DAAM2: variants seen among roughly 807,000 people sequenced by gnomAD.
The protein encoded by DAAM2 is disheveled-associated activator of morphogenesis 2.
Under a neutral mutation model 120.7 loss-of-function variants are expected in DAAM2, and 39 were observed. That is an observed-to-expected ratio of 0.32 (90% CI 0.25 to 0.42). The LOEUF is 0.42. Ranked by LOEUF, DAAM2 falls within the 10% of genes least tolerant of loss-of-function variation. DAAM2 has a pLI of 1.00. For missense variants in DAAM2, 1,283 were observed against 1,401.7 expected (o/e 0.92, Z 1.35); for synonymous variants, 488 against 524.9 (o/e 0.93, Z 0.96).
At chr6:39,876,404 T>A (rs535111003) in intron 11 of DAAM2, among the ~76,000 whole-genome samples, 3 of 152,230 alleles carry the variant, frequency 2.0e-5, no homozygotes, top group Non-Finnish European at 4.4e-5. Flanking sequence ...AAAATCCTAA[T>A]TGGTATGTTG....
At chr6:39,810,218 G>A (rs1168557979) in intron 1 of DAAM2, among the ~76,000 whole-genome samples, 1 of 152,178 alleles carries the variant, frequency 6.6e-6, no homozygotes, top group East Asian at 1.9e-4. Context: ...GCATGTTGCT[G>A]CTGCAAACAA....
chr6:39,828,570 C>CTTTTTTTT lies in DAAM2; in HGVS notation c.-56-27673_-56-27666dup, dbSNP rs1430820441. Reference sequence around the variant, plus strand: ...GCTAATTCCCTCCACCCCCCTCCGTCTTTTTTTTTTTGAGACGGATTCTTG... The same window carrying CTTTTTTTT: ...GCTAATTCCCTCCACCCCCCTCCGTCTTTTTTTTTTTTTTTTTTTGAGACGGATTCTTG... On this transcript the variant is annotated intron_variant, in intron 1 of 24. Coordinates refer to ENST00000274867, the MANE Select transcript of DAAM2 (RefSeq NM_001201427.2). 4.3e-4 allele frequency among the ~76,000 whole-genome samples: 61 copies of CTTTTTTTT among 142,584 alleles called. 3 individuals are homozygous for CTTTTTTTT. The highest frequency in any genetic ancestry group is 9.1e-4 in the South Asian group (4 of 4,414). The allele number at this position is 142,584 out of a possible 152,430, so 93.5% of individuals were successfully genotyped here.
rs1764661307 is a variant in DAAM2 at position 39,871,513 on chromosome 6, G to A, written c.985G>A (p.Asp329Asn). The A allele has an allele frequency of 6.4e-7, 1 of 1,551,570 alleles. No homozygotes were observed. Among genetic ancestry groups the A allele is most frequent in the Non-Finnish European group, 8.7e-7 (1 of 1,147,002 alleles). ...HENAILDKHLDFFEMVRNEDD... is the reference protein window; with the variant it reads ...HENAILDKHLNFFEMVRNEDD... The stretch of plus-strand genomic sequence containing the variant: ...TCTCCCCATTCTGTCTAGACATTTA[G>A]ACTTCTTCGAGATGGTGCGGAATGA... Residue 329 changes from aspartate (D) to asparagine (N), a missense_variant, in exon 9 of 25, where the codon GAC (aspartate) becomes AAC (asparagine). Physicochemically the swap from Asp to Asn is conservative, Grantham distance 23 (BLOSUM62 1). Transcript: ENST00000274867.
chr6:39,816,058 A>G (rs1364221343), intron 1 of DAAM2, among the ~76,000 whole-genome samples: 1 of 152,150 alleles, frequency 6.6e-6, no homozygotes, highest in Non-Finnish European at 1.5e-5. Context: ...TATTTTTCCT[A>G]CTGACATGAA....
Position 39,902,440 on chromosome 6 carries a change from G to C in DAAM2, c.*403G>C. ...CTGTGTAGCACGGGGAGCAATGATG[G>C]AGGGAGCCCCTGAGAGGGAATCTGG... is the stretch of plus-strand genomic sequence containing the variant. On this transcript the variant is annotated 3_prime_UTR_variant, in exon 25 of 25. Coordinates refer to ENST00000274867, the MANE Select transcript of DAAM2 (RefSeq NM_001201427.2). 6.2e-6 allele frequency: 1 copy of C among 162,490 alleles called. No homozygotes were observed. Among genetic ancestry groups the C allele is most frequent in the East Asian group, 1.8e-4 (1 of 5,632 alleles). 10.1% of individuals were successfully genotyped at this position (162,490 alleles called of 1,614,324 possible).
chr6:39,888,002 A>G lies in DAAM2; in HGVS notation c.2060+410A>G, dbSNP rs73732309. 2.7e-3 allele frequency: 467 copies of G among 174,168 alleles called. 5 individuals carry two copies. Among genetic ancestry groups the G allele is most frequent in the African/African-American group, 0.011 (441 of 41,998 alleles). 10.8% of individuals were successfully genotyped at this position (174,168 alleles called of 1,614,324 possible). A position where few individuals can be genotyped will look rare whatever the true frequency, so the allele number is the denominator to read the frequency against. On this transcript the variant is annotated intron_variant, in intron 16 of 24. Coordinates refer to ENST00000274867, the MANE Select transcript of DAAM2 (RefSeq NM_001201427.2). The stretch of plus-strand genomic sequence containing the variant: ...GTCAGAGGGCACCACCTCCCATACT[A>G]TTCTTAGTGCTGCCCCAGCCGCCTC...
At chr6:39,818,147 C>T (rs1436431852) in intron 1 of DAAM2, among the ~76,000 whole-genome samples, 1 of 147,658 alleles carries the variant, frequency 6.8e-6, no homozygotes, top group East Asian at 2.0e-4. Flanking sequence ...TCACTGCACT[C>T]CAGCCTGGGT....
intron 9 of DAAM2, among the ~76,000 whole-genome samples, chr6:39,872,817 C>A (rs1436671420): frequency 9.8e-6 from 1 of 101,714 alleles, no homozygotes; most frequent in Non-Finnish European, 2.0e-5. Context: ...ATCCTCTATG[C>A]CCCTGCTCCC....
chr6:39,901,787 T>C lies in DAAM2; in HGVS notation c.2983-26T>C. On this transcript the variant is annotated intron_variant, in intron 24 of 24. Transcript: ENST00000274867. The surrounding 1 kb of genome is among the most constrained non-coding windows in gnomAD (Gnocchi z 4.5). ...CCTCAGCGCCTCTCCCTGAGAGGGT[T>C]CCTATCTTTGGCCCCCCGCCCGCAG... is the stretch of plus-strand genomic sequence containing the variant. 1 of 1,507,260 alleles carries C rather than the reference T, an allele frequency of 6.6e-7. No homozygotes were observed. The highest frequency in any genetic ancestry group is 8.8e-7 in the Non-Finnish European group (1 of 1,131,086). The allele number at this position is 1,507,260 out of a possible 1,614,324, so 93.4% of individuals were successfully genotyped here. A position where few individuals can be genotyped will look rare whatever the true frequency, so the allele number is the denominator to read the frequency against.
At chr6:39,802,622 G>T (rs1048972882) in intron 1 of DAAM2, among the ~76,000 whole-genome samples, 4 of 152,076 alleles carry the variant, frequency 2.6e-5, no homozygotes, top group Non-Finnish European at 4.4e-5. Flanking sequence ...CACAGAGTTA[G>T]GTCTCAAGAA....
intron 5 of DAAM2, 185 bp from the exon 6 acceptor site, chr6:39,867,325 A>T: frequency 1.6e-6 from 1 of 607,024 alleles, no homozygotes. Context: ...TTAAAATGCA[A>T]ATAAGACACA....
intron 2 of DAAM2, 86 bp downstream of exon 2, chr6:39,856,556 G>C: frequency 9.1e-7 from 1 of 1,104,160 alleles, no homozygotes. Context: ...GGGCCCCTGT[G>C]CTGGGGTCTC....
intron 20 of DAAM2, 42 bp from the exon 21 acceptor site, chr6:39,897,133 G>A (rs1200338757): frequency 1.3e-6 from 2 of 1,563,692 alleles, no homozygotes; most frequent in Non-Finnish European, 1.8e-6. Flanking sequence ...CTCGTGCCCA[G>A]TTTCCTCTGT....
At chr6:39,891,530 A>G in intron 18 of DAAM2, 83 bp downstream of exon 18, 2 of 1,506,944 alleles carry the variant, frequency 1.3e-6, no homozygotes, top group Non-Finnish European at 1.8e-6. Flanking sequence ...GAGGAAGGGG[A>G]TGGAGGTGGG....
In DAAM2 at chr6:39,864,379, A is replaced by C. The variant is rs937727554; in HGVS notation, c.259-54A>C. On this transcript the variant is annotated intron_variant, in intron 3 of 24. Coordinates refer to ENST00000274867, the MANE Select transcript of DAAM2 (RefSeq NM_001201427.2). Reference sequence around the variant, plus strand: ...GACACGGAATGAAGCTCAGGATCTCAGGCCACGGGCCTGTCTTGCCTGTTG... The same window carrying C: ...GACACGGAATGAAGCTCAGGATCTCCGGCCACGGGCCTGTCTTGCCTGTTG... The C allele has an allele frequency of 4.9e-6, 7 of 1,416,638 alleles. No individual in the cohort carries two copies. The Admixed American group carries it at 1.3e-4, about 25-fold the overall frequency. The allele number at this position is 1,416,638 out of a possible 1,614,324, so 87.8% of individuals were successfully genotyped here. A position where few individuals can be genotyped will look rare whatever the true frequency, so the allele number is the denominator to read the frequency against.
intron 1 of DAAM2, among the ~76,000 whole-genome samples, chr6:39,831,599 C>T (rs1762891187): frequency 6.6e-6 from 1 of 151,264 alleles, no homozygotes; most frequent in African/African-American, 2.4e-5. Flanking sequence ...TGGCTCTTAA[C>T]CTCTGTGTGG....
chr6:39,893,449 C>T (rs1038606358), intron 19 of DAAM2, among the ~76,000 whole-genome samples: 49 of 151,678 alleles, frequency 3.2e-4, no homozygotes, highest in Middle Eastern at 3.2e-3. Context: ...ACCCAGGAGG[C>T]GGAGCTGGCA....
chr6:39,817,736 A>G (rs1234137277), intron 1 of DAAM2, among the ~76,000 whole-genome samples: 1 of 152,218 alleles, frequency 6.6e-6, no homozygotes, highest in Non-Finnish European at 1.5e-5. Flanking sequence ...GACTGAAGGC[A>G]GTCTAGGGGT....
intron 1 of DAAM2, among the ~76,000 whole-genome samples, chr6:39,804,636 G>A (rs570132064): frequency 6.6e-6 from 1 of 152,272 alleles, no homozygotes; most frequent in South Asian, 2.1e-4. Flanking sequence ...GTGGTATCAT[G>A]GGACTTGGTG....
Sources: gnomAD v4.1 joint callset for allele counts (sites outside exome capture counted in the v4.1 genomes callset) on GRCh38, gnomAD v4.1.1 for gene constraint, Gnocchi (gnomAD v3.1) non-coding constraint, MANE v1.5 for transcripts, NCBI Gene and HGNC (gene_info 2026-07-23, HGNC 2026-07-21) for gene names.